CC2D2A: variants seen among roughly 807,000 people sequenced by gnomAD.
CC2D2A encodes the protein coiled-coil and C2 domain-containing protein 2A.
In CC2D2A, 155 loss-of-function variants were observed where a neutral mutation model predicts 212.9. The observed-to-expected ratio is 0.73, with a 90% confidence interval of 0.64 to 0.83. The LOEUF (loss-of-function observed/expected upper bound fraction) is 0.83. Ranked by LOEUF, CC2D2A falls within the 40% of genes least tolerant of loss-of-function variation. The pLI, the probability that CC2D2A is intolerant of heterozygous loss-of-function variation, is 0.00. For synonymous variants in CC2D2A, 667 were observed against 686.5 expected (o/e 0.97, Z 0.44); for missense variants, 1,856 against 1,956.2 (o/e 0.95, Z 0.97).
intron 6 of CC2D2A, 35 bp downstream of exon 6, chr4:15,502,958 C>T: frequency 6.7e-7 from 1 of 1,498,194 alleles, no homozygotes; most frequent in Non-Finnish European, 9.1e-7. Flanking sequence ...TGATCAAAAC[C>T]AGTAAAGCAG....
In CC2D2A at chr4:15,502,812, G is replaced by A; in HGVS notation, c.337-10G>A. On this transcript the variant is annotated splice_polypyrimidine_tract_variant and intron_variant, in intron 5 of 36. Transcript: ENST00000424120. Reference sequence around the variant, plus strand: ...ATCATGTAGCAGTAAATTTCTGTTTGACTTTTTAGTCCAAAGCAGAAAGTG... The same window carrying A: ...ATCATGTAGCAGTAAATTTCTGTTTAACTTTTTAGTCCAAAGCAGAAAGTG... 2.5e-6 allele frequency: 4 copies of A among 1,601,620 alleles called. No homozygotes were observed. Among genetic ancestry groups the A allele is most frequent in the Non-Finnish European group, 3.4e-6 (4 of 1,173,598 alleles).
rs768856761 is a variant in CC2D2A at position 15,594,802 on chromosome 4, TTTG to T, written c.4315-1270_4315-1268del. Among the ~76,000 whole-genome samples the T allele has an allele frequency of 4.6e-5, 7 of 152,150 alleles. No homozygotes were observed. The South Asian group carries it at 8.3e-4, about 18-fold the overall frequency. ...TGTTATCCCATGTGTCTACTTGGTTTTTGTTGTTGTTGTTGCTTTAAACAGGAA... is the reference window on the plus strand; with the variant it reads ...TGTTATCCCATGTGTCTACTTGGTTTTTGTTGTTGTTGCTTTAAACAGGAA... On this transcript the variant is annotated intron_variant, in intron 33 of 36. Transcript: ENST00000424120.
At chr4:15,549,028 T>C (rs1378702921) in intron 17 of CC2D2A, among the ~76,000 whole-genome samples, 1 of 152,208 alleles carries the variant, frequency 6.6e-6, no homozygotes, top group Non-Finnish European at 1.5e-5. Flanking sequence ...ATTGTAATTA[T>C]GCTTTTTAAA....
chr4:15,496,093 G>A (rs948128971), intron 4 of CC2D2A, among the ~76,000 whole-genome samples: 3 of 152,040 alleles, frequency 2.0e-5, no homozygotes, highest in Admixed American at 2.0e-4. Flanking sequence ...TTTGTGTTTT[G>A]CTTATTGAAT....
intron 29 of CC2D2A, chr4:15,576,543 T>G (rs959050977): frequency 2.3e-5 from 4 of 174,400 alleles, no homozygotes; most frequent in African/African-American, 9.6e-5. Context: ...TTAAAGATTA[T>G]CTCTGTTACT....
intron 11 of CC2D2A, among the ~76,000 whole-genome samples, chr4:15,521,735 A>G (rs1717214055): frequency 6.6e-6 from 1 of 152,220 alleles, no homozygotes; most frequent in African/African-American, 2.4e-5. Context: ...TAAAAGCGCA[A>G]ATTGAATGTC....
chr4:15,557,565 GTATAC>G, intron 21 of CC2D2A, 58 bp downstream of exon 21: 1 of 1,093,134 alleles, frequency 9.1e-7, no homozygotes, highest in South Asian at 1.6e-5. Context: ...GTGCTGTTAG[GTATAC>G]TACTGTATAT....
At chr4:15,515,562 G>A (rs1010234992) in intron 9 of CC2D2A, among the ~76,000 whole-genome samples, 2 of 152,172 alleles carry the variant, frequency 1.3e-5, no homozygotes, top group Non-Finnish European at 2.9e-5. Context: ...TCACCCAGCT[G>A]AAGAGTAATA....
chr4:15,577,349 C>T (rs542551199), intron 29 of CC2D2A, among the ~76,000 whole-genome samples: 142 of 152,246 alleles, frequency 9.3e-4, no homozygotes, highest in African/African-American at 3.0e-3. Flanking sequence ...TAAATGTTTA[C>T]ATTAGAGGCC....
chr4:15,504,835 A>G (rs1160068893), intron 6 of CC2D2A, among the ~76,000 whole-genome samples: 1 of 152,226 alleles, frequency 6.6e-6, no homozygotes, highest in Non-Finnish European at 1.5e-5. Flanking sequence ...TTCTTCATGT[A>G]TATACCTCAA....
At chr4:15,508,878 A>G (rs1381605339) in intron 6 of CC2D2A, among the ~76,000 whole-genome samples, 2 of 152,210 alleles carry the variant, frequency 1.3e-5, no homozygotes, top group East Asian at 1.9e-4. Flanking sequence ...CCTTCTTGCC[A>G]TGAACACCTA....
chr4:15,540,204 G>T (rs560397904), intron 16 of CC2D2A, among the ~76,000 whole-genome samples: 3 of 151,598 alleles, frequency 2.0e-5, no homozygotes, highest in Admixed American at 6.6e-5. Flanking sequence ...AGCTTGAATT[G>T]CTATTGACTT....
At chr4:15,481,135 C>T (rs1714614469) in intron 4 of CC2D2A, 1 of 468,830 alleles carries the variant, frequency 2.1e-6, no homozygotes, top group African/African-American at 2.0e-5. Flanking sequence ...GAGGGCACAA[C>T]TCATGAATTG....
At chr4:15,537,654 A>C (rs1465461966) in intron 15 of CC2D2A, among the ~76,000 whole-genome samples, 1 of 152,134 alleles carries the variant, frequency 6.6e-6, no homozygotes, top group African/African-American at 2.4e-5. Flanking sequence ...CTGTATGACA[A>C]ATGCTTTTTA....
At chr4:15,568,532 G>A (rs1720003469) in intron 26 of CC2D2A, among the ~76,000 whole-genome samples, 1 of 152,194 alleles carries the variant, frequency 6.6e-6, no homozygotes, top group Non-Finnish European at 1.5e-5. Context: ...AAGTTGCAGT[G>A]AGTCAAGATC....
rs1267586356 is a variant in CC2D2A at position 15,596,143 on chromosome 4, G to A, written c.4373G>A (p.Arg1458Lys). Reference protein sequence around the residue: ...SPLRINFDVTRPKLWKSFFSR... With the variant: ...SPLRINFDVTKPKLWKSFFSR... Reference sequence around the variant, plus strand: ...CTAAGGATAAATTTTGATGTCACCAGGCCCAAGCTATGGAAATCTTTCTTT... The same window carrying A: ...CTAAGGATAAATTTTGATGTCACCAAGCCCAAGCTATGGAAATCTTTCTTT... Residue 1458 changes from arginine (R) to lysine (K), a missense_variant, in exon 34 of 37, where the codon AGG becomes AAG. Transcript: ENST00000424120. The A allele has an allele frequency of 2.6e-6, 4 of 1,549,506 alleles. No homozygotes were observed. The highest frequency in any genetic ancestry group is 3.5e-6 in the Non-Finnish European group (4 of 1,145,882).
At chr4:15,528,825 C>T (rs1456923067) in intron 13 of CC2D2A, 99 bp downstream of exon 13, 9 of 764,200 alleles carry the variant, frequency 1.2e-5, no homozygotes, top group Non-Finnish European at 1.7e-5. Flanking sequence ...GCAATGAATA[C>T]ATGTGAAATT....
rs561944265 is a variant in CC2D2A at position 15,538,044 on chromosome 4, G to C, written c.1910G>C (p.Arg637Thr). The part of the protein sequence containing the change: ...RAVIEQEVRE[R>T]AAQSRRRPWE... ...GTGATAGAGCAGGAGGTGAGGGAGA[G>C]AGCAGCCCAGAGCAGGAGGAGGCCT... The change falls in exon 16 of 37, where the codon AGA becomes ACA. Residue 637 changes from arginine (R) to threonine (T), a missense_variant. Physicochemically the swap from Arg to Thr is moderately conservative, Grantham distance 71. Coordinates refer to ENST00000424120, the MANE Select transcript of CC2D2A (RefSeq NM_001378615.1). 2 of 1,607,386 alleles carry C rather than the reference G, an allele frequency of 1.2e-6. No homozygotes were observed. The highest frequency in any genetic ancestry group is 3.4e-5 in the Admixed American group (2 of 59,048).
intron 4 of CC2D2A, among the ~76,000 whole-genome samples, chr4:15,499,883 C>T (rs991862519): frequency 1.3e-5 from 2 of 151,792 alleles, no homozygotes; most frequent in Admixed American, 1.3e-4. Flanking sequence ...CTTAGTGATA[C>T]TTAACAGTGT....
Sources: allele counts gnomAD v4.1 joint callset (sites outside exome capture counted in the v4.1 genomes callset), GRCh38; gene constraint gnomAD v4.1.1; transcripts MANE v1.5; gene names NCBI Gene and HGNC (gene_info 2026-07-23, HGNC 2026-07-21).